The following ADAMTSL1 variants were observed in gnomAD, a reference collection of about 807,000 sequenced individuals.
ADAMTSL1 encodes ADAMTS-like protein 1.
In ADAMTSL1, 126 loss-of-function variants were observed where a neutral mutation model predicts 201.8. The observed-to-expected ratio is 0.62, with a 90% confidence interval of 0.54 to 0.72. The LOEUF (loss-of-function observed/expected upper bound fraction) is 0.72, where lower values mean the gene tolerates loss of function less well. Ranked by LOEUF, ADAMTSL1 falls within the 30% of genes least tolerant of loss-of-function variation. ADAMTSL1 has a pLI of 0.00. For missense variants in ADAMTSL1, 2,679 were observed against 2,277.8 expected (o/e 1.18, Z -3.59); for synonymous variants, 1,121 against 903.4 (o/e 1.24, Z -4.32).
At position 18,097,073 on chromosome 9, in the gene ADAMTSL1, C is replaced by T. The variant is rs118015459; in HGVS notation, c.88-66789C>T. ...CCATCATCAAAATACAGTCCCTTGT[C>T]CACCTTCCTAGTCAGTTACCCATCC... is the stretch of plus-strand genomic sequence containing the variant. On this transcript the variant is annotated intron_variant, in intron 1 of 29. Coordinates refer to the ADAMTSL1 transcript ENST00000680146. 4.0e-3 allele frequency among the ~76,000 whole-genome samples: 604 copies of T among 152,260 alleles called. 2 individuals are homozygous for T. Among genetic ancestry groups the T allele is most frequent in the Middle Eastern group, 0.01 (3 of 294 alleles).
chr9:18,152,578 G>A (rs948099825), intron 1 of ADAMTSL1, among the ~76,000 whole-genome samples: 2 of 151,944 alleles, frequency 1.3e-5, no homozygotes, highest in Non-Finnish European at 2.9e-5. Context: ...CCCCCCAAAT[G>A]AGAAACCAAA....
chr9:18,174,296 A>G (rs1314201896), intron 2 of ADAMTSL1, among the ~76,000 whole-genome samples: 1 of 152,140 alleles, frequency 6.6e-6, no homozygotes, highest in African/African-American at 2.4e-5. Flanking sequence ...TCCTAAATAG[A>G]CCATGTCTGA....
At chr9:18,615,283 A>G (rs748439225) in intron 4 of ADAMTSL1, among the ~76,000 whole-genome samples, 3 of 152,210 alleles carry the variant, frequency 2.0e-5, no homozygotes, top group Non-Finnish European at 4.4e-5. Context: ...TACCCATAAC[A>G]AACCATGAGA....
At chr9:18,154,134 T>C (rs1395668755) in intron 1 of ADAMTSL1, among the ~76,000 whole-genome samples, 1 of 152,018 alleles carries the variant, frequency 6.6e-6, no homozygotes, top group Non-Finnish European at 1.5e-5. Context: ...AGCACCCCTT[T>C]TTTGTGCTTC....
At chr9:18,510,089 C>T (rs1252406576) in intron 2 of ADAMTSL1, among the ~76,000 whole-genome samples, 1 of 152,152 alleles carries the variant, frequency 6.6e-6, no homozygotes, top group African/African-American at 2.4e-5. Flanking sequence ...GGTAAATTAA[C>T]CTGCCAGGCC....
intron 2 of ADAMTSL1, among the ~76,000 whole-genome samples, chr9:18,305,359 C>T (rs1000580512): frequency 3.9e-5 from 6 of 152,138 alleles, no homozygotes; most frequent in African/African-American, 4.8e-5. Context: ...GAGACAGAAT[C>T]GTTCACTCTC....
chr9:18,591,322 T>C (rs1481419888), intron 4 of ADAMTSL1, among the ~76,000 whole-genome samples: 3 of 152,226 alleles, frequency 2.0e-5, no homozygotes, highest in African/African-American at 7.2e-5. Context: ...TTTTATATGA[T>C]GTAAGTTGAG....
At chr9:18,089,316 G>C (rs1002006672) in intron 1 of ADAMTSL1, among the ~76,000 whole-genome samples, 1 of 152,130 alleles carries the variant, frequency 6.6e-6, no homozygotes, top group African/African-American at 2.4e-5. Context: ...TCCTTTGCAG[G>C]AACATGGATG....
At chr9:18,118,108 C>G (rs1188351957) in intron 1 of ADAMTSL1, among the ~76,000 whole-genome samples, 1 of 152,174 alleles carries the variant, frequency 6.6e-6, no homozygotes, top group Non-Finnish European at 1.5e-5. Flanking sequence ...GCTGGATTTG[C>G]TCTCACTTGA....
chr9:18,842,555 C>A (rs150306043), intron 23 of ADAMTSL1, among the ~76,000 whole-genome samples: 4,638 of 152,110 alleles, frequency 0.03, 229 homozygotes, highest in African/African-American at 0.1. Context: ...CTATTAGGTC[C>A]GCTTGGTGCA....
At chr9:18,889,087 G>A (rs1439826356) in intron 24 of ADAMTSL1, among the ~76,000 whole-genome samples, 3 of 152,158 alleles carry the variant, frequency 2.0e-5, no homozygotes, top group African/African-American at 7.2e-5. Context: ...AGCACTCTCT[G>A]CATAGGCTCT....
chr9:18,431,199 G>T (rs1819474363), intron 2 of ADAMTSL1, among the ~76,000 whole-genome samples: 2 of 152,158 alleles, frequency 1.3e-5, no homozygotes, highest in African/African-American at 4.8e-5. Flanking sequence ...ACCAGCTCAG[G>T]TTCAGAAATG....
chr9:18,654,795 A>G (rs35568743), intron 7 of ADAMTSL1, among the ~76,000 whole-genome samples: 17,921 of 152,250 alleles, frequency 0.12, 1,326 homozygotes, highest in Non-Finnish European at 0.16. Context: ...CCAGTTTTCC[A>G]TGTTATTCTC....
intron 1 of ADAMTSL1, among the ~76,000 whole-genome samples, chr9:17,942,233 T>C (rs1425560019): frequency 6.6e-6 from 1 of 152,136 alleles, no homozygotes; most frequent in African/African-American, 2.4e-5. Flanking sequence ...GGTGATGTGA[T>C]GAGTATGCAA....
chr9:18,005,262 A>G (rs543835550), intron 1 of ADAMTSL1, among the ~76,000 whole-genome samples: 3 of 152,206 alleles, frequency 2.0e-5, no homozygotes, highest in East Asian at 3.9e-4. Flanking sequence ...AGAGACCTAG[A>G]AAACACTTCA....
At chr9:18,151,809 T>C (rs754249255) in intron 1 of ADAMTSL1, among the ~76,000 whole-genome samples, 3 of 152,068 alleles carry the variant, frequency 2.0e-5, no homozygotes, top group Non-Finnish European at 2.9e-5. Flanking sequence ...TGCTGTGCTT[T>C]TTTTGTTTAA....
At chr9:18,445,402 C>T (rs1022148433) in intron 2 of ADAMTSL1, among the ~76,000 whole-genome samples, 3 of 152,086 alleles carry the variant, frequency 2.0e-5, no homozygotes, top group Non-Finnish European at 4.4e-5. Context: ...TAGAGTTCAC[C>T]TACATTCCTA....
chr9:18,787,037 T>C (rs1588109754), intron 19 of ADAMTSL1, among the ~76,000 whole-genome samples: 2 of 152,306 alleles, frequency 1.3e-5, no homozygotes, highest in South Asian at 4.2e-4. Context: ...TTCAGAACCA[T>C]AGTTGTGAAT....
At chr9:18,539,015 C>G (rs954786149) in intron 3 of ADAMTSL1, among the ~76,000 whole-genome samples, 8 of 148,102 alleles carry the variant, frequency 5.4e-5, no homozygotes, top group African/African-American at 1.9e-4. Flanking sequence ...TGAGCCAACT[C>G]TTTCCAGCCA....
Sources: allele counts gnomAD v4.1 joint callset (sites outside exome capture counted in the v4.1 genomes callset), GRCh38; gene constraint gnomAD v4.1.1; transcripts MANE v1.5; gene names NCBI Gene and HGNC (gene_info 2026-07-23, HGNC 2026-07-21).